VSTM5: variants seen among roughly 807,000 people sequenced by gnomAD.
VSTM5 encodes V-set and transmembrane domain-containing protein 5.
VSTM5 carries 21 observed loss-of-function variants against 20.3 expected under a neutral mutation model. The observed-to-expected ratio is 1.03, with a 90% CI of 0.73 to 1.49. The LOEUF (loss-of-function observed/expected upper bound fraction) is 1.49, where lower values mean the gene tolerates loss of function less well. Among genes scored for constraint, VSTM5 ranks in the 40% most tolerant of loss-of-function variants. The pLI is 0.00. For missense variants in VSTM5, 219 were observed against 250.0 expected (o/e 0.88, Z 0.84); for synonymous variants, 100 against 102.5 (o/e 0.98, Z 0.14).
chr11:93,850,131 G>C (rs1288577255), intron 1 of VSTM5, among the ~76,000 whole-genome samples: 1 of 152,214 alleles, frequency 6.6e-6, no homozygotes, highest in Non-Finnish European at 1.5e-5. Context: ...CCGTAGGCCG[G>C]GCTCGCCGGG....
intron 1 of VSTM5, among the ~76,000 whole-genome samples, chr11:93,846,859 C>T (rs1168724949): frequency 4.0e-5 from 6 of 150,842 alleles, no homozygotes; most frequent in Admixed American, 2.0e-4. Flanking sequence ...CTCTGCCTCC[C>T]GGGTTCAAGC....
intron 1 of VSTM5, among the ~76,000 whole-genome samples, chr11:93,839,526 A>T (rs1565303365): frequency 6.6e-6 from 1 of 152,200 alleles, no homozygotes; most frequent in African/African-American, 2.4e-5. Flanking sequence ...CCTGCTTTGC[A>T]TGGTTGTGAA....
rs141772516 is a variant in VSTM5 at position 93,820,420 on chromosome 11, C to A, written c.*149G>T. On this transcript the variant is annotated 3_prime_UTR_variant, in exon 4 of 4. Coordinates refer to ENST00000409977, the MANE Select transcript of VSTM5 (RefSeq NM_001144871.2). ...TTTGTCCCATCCACAGTCCTCAACT[C>A]CATGCAGTCAATGTTGTTAATCTCC... 2,468 of 795,692 alleles carry A rather than the reference C, an allele frequency of 3.1e-3. 8 individuals carry two copies. Among genetic ancestry groups the A allele is most frequent in the South Asian group, 5.6e-3 (322 of 57,216 alleles). The allele number at this position is 795,692 out of a possible 1,614,324, so 49.3% of individuals were successfully genotyped here.
At chr11:93,827,847 C>T in intron 1 of VSTM5, 1 of 151,822 alleles carries the variant, frequency 6.6e-6, no homozygotes, top group East Asian at 1.9e-4. Context: ...AAACAGCATA[C>T]CTAATGTGAT....
chr11:93,846,733 C>T (rs1162739085), intron 1 of VSTM5, among the ~76,000 whole-genome samples: 1 of 151,146 alleles, frequency 6.6e-6, no homozygotes, highest in South Asian at 2.1e-4. Context: ...ATAAACAGTA[C>T]AGAATGAATG....
intron 1 of VSTM5, among the ~76,000 whole-genome samples, chr11:93,850,176 C>T (rs1046561268): frequency 6.6e-6 from 1 of 152,150 alleles, no homozygotes; most frequent in Admixed American, 6.5e-5. Context: ...CGGGGCGCCG[C>T]GGCCGGTAGC....
intron 1 of VSTM5, chr11:93,822,094 T>C (rs766322799): frequency 1.3e-5 from 2 of 152,246 alleles, no homozygotes; most frequent in African/African-American, 4.8e-5. Flanking sequence ...ATTTTATTTA[T>C]TTTTTGAGAT....
At chr11:93,827,977 G>A (rs1944252507) in intron 1 of VSTM5, among the ~76,000 whole-genome samples, 1 of 152,108 alleles carries the variant, frequency 6.6e-6, no homozygotes, top group South Asian at 2.1e-4. Flanking sequence ...AGATCAAATG[G>A]CAGGAGAACT....
chr11:93,821,626 A>G (rs1004940166), intron 1 of VSTM5: 3 of 369,642 alleles, frequency 8.1e-6, no homozygotes, highest in East Asian at 5.8e-5. Flanking sequence ...CTCTCCCAGT[A>G]TATGGGGAGC....
intron 1 of VSTM5, among the ~76,000 whole-genome samples, chr11:93,839,659 T>C (rs906959034): frequency 1.7e-4 from 26 of 152,174 alleles, no homozygotes; most frequent in African/African-American, 5.6e-4. Context: ...TGGTAGGGCA[T>C]GGGTGGGAAC....
At chr11:93,841,092 C>G (rs1015107295) in intron 1 of VSTM5, among the ~76,000 whole-genome samples, 19 of 152,344 alleles carry the variant, frequency 1.2e-4, no homozygotes, top group African/African-American at 4.1e-4. Flanking sequence ...CACCTCTCCC[C>G]CTCTTCCAGG....
intron 1 of VSTM5, among the ~76,000 whole-genome samples, chr11:93,835,059 C>T (rs952093660): frequency 3.3e-5 from 5 of 152,130 alleles, no homozygotes; most frequent in African/African-American, 1.2e-4. Flanking sequence ...ATAGAGAGGT[C>T]TCACCAGCAA....
Position 93,829,530 on chromosome 11 carries a change from A to T in VSTM5, c.92-8207T>A, listed in dbSNP as rs116864478. On this transcript the variant is annotated intron_variant, in intron 1 of 3. Coordinates refer to ENST00000409977, the MANE Select transcript of VSTM5 (RefSeq NM_001144871.2). ...GGCAACAGAGTGAGACTCAGTCTCA[A>T]GAAAAAAGAAAAAAAGAAATATTGA... is the stretch of plus-strand genomic sequence containing the variant. Among the ~76,000 whole-genome samples, 313 of 152,350 alleles carry T rather than the reference A, an allele frequency of 2.1e-3. 10 individuals carry two copies. The East Asian group carries it at 0.057, about 28-fold the overall frequency.
chr11:93,834,872 G>A (rs1051478231), intron 1 of VSTM5, among the ~76,000 whole-genome samples: 3 of 151,772 alleles, frequency 2.0e-5, no homozygotes, highest in African/African-American at 7.3e-5. Context: ...GGGCTTTTAA[G>A]AGGTGATTGG....
At position 93,821,004 on chromosome 11, in the gene VSTM5, G is replaced by T. The variant is rs61741450; in HGVS notation, c.411C>A (p.His137Gln). 2 of 1,551,624 alleles carry T rather than the reference G, an allele frequency of 1.3e-6. No homozygotes were observed. The highest frequency in any genetic ancestry group is 1.7e-6 in the Non-Finnish European group (2 of 1,146,956). ...GSSQFGTIVL[H>Q]VSEILYEDLH... Reference sequence around the variant, plus strand: ...GGCCCTGGGATGTCTTACCAGAGACGTGCAGCACGATGGTGCCAAACTGGC... The same window carrying T: ...GGCCCTGGGATGTCTTACCAGAGACTTGCAGCACGATGGTGCCAAACTGGC... The change falls in exon 2 of 4, where the codon CAC becomes CAA. Residue 137 changes from histidine to glutamine, a missense_variant. Physicochemically the swap from His to Gln is conservative, Grantham distance 24. Coordinates refer to ENST00000409977, the MANE Select transcript of VSTM5 (RefSeq NM_001144871.2).
chr11:93,835,436 A>T (rs1474755162), intron 1 of VSTM5, among the ~76,000 whole-genome samples: 1 of 152,186 alleles, frequency 6.6e-6, no homozygotes, highest in African/African-American at 2.4e-5. Flanking sequence ...AAAAATTTAA[A>T]AAAATTAAAA....
In VSTM5 at chr11:93,848,117, T is replaced by C. The variant is rs369151553; in HGVS notation, c.91+2295A>G. Among the ~76,000 whole-genome samples the C allele has an allele frequency of 7.2e-5, 11 of 152,286 alleles. No individual in the cohort carries two copies. The East Asian group carries it at 1.4e-3, about 19-fold the overall frequency. ...TGAATCTTGGGAGGACCCATACATT[T>C]GTAGGGGAAAGGTTTCAAAAGCAGG... On this transcript the variant is annotated intron_variant, in intron 1 of 3. Transcript: ENST00000409977.
intron 1 of VSTM5, among the ~76,000 whole-genome samples, chr11:93,844,790 G>A (rs555576546): frequency 4.6e-5 from 7 of 152,300 alleles, no homozygotes; most frequent in East Asian, 1.9e-4. Context: ...ATCTGACAGC[G>A]AATCAGCTGC....
At chr11:93,823,859 A>T (rs1437367641) in intron 1 of VSTM5, among the ~76,000 whole-genome samples, 1 of 151,708 alleles carries the variant, frequency 6.6e-6, no homozygotes, top group East Asian at 1.9e-4. Context: ...TCTCTGATAC[A>T]CTGATTTCAA....
Sources: gnomAD v4.1 joint callset for allele counts (sites outside exome capture counted in the v4.1 genomes callset) on GRCh38, gnomAD v4.1.1 for gene constraint, MANE v1.5 for transcripts, NCBI Gene and HGNC (gene_info 2026-07-23, HGNC 2026-07-21) for gene names.